The following FRYL variants were observed in gnomAD, a reference collection of about 807,000 sequenced individuals.
FRYL encodes the protein protein furry homolog-like.
Under a neutral mutation model 351.2 loss-of-function variants are expected in FRYL, and 150 were observed. The observed-to-expected ratio is 0.43, with a 90% CI of 0.37 to 0.49. The LOEUF is 0.49. Among genes scored for constraint, FRYL ranks in the 20% least tolerant of loss-of-function variants. FRYL has a pLI of 0.00. For missense variants in FRYL, 3,036 were observed against 3,619.3 expected, an observed-to-expected ratio of 0.84 and a Z score of 4.13; for synonymous variants, 1,153 against 1,257.1, an observed-to-expected ratio of 0.92 and a Z score of 1.75.
chr4:48,591,047 G>A (rs996965015), intron 16 of FRYL, among the ~76,000 whole-genome samples: 1 of 152,032 alleles, frequency 6.6e-6, no homozygotes, highest in Non-Finnish European at 1.5e-5. Flanking sequence ...TTCTGAGGTC[G>A]ACCAGCTTCC....
At chr4:48,545,955 TATTTCAC>T in intron 42 of FRYL, 105 bp downstream of exon 42, 1 of 942,612 alleles carries the variant, frequency 1.1e-6, no homozygotes, top group East Asian at 2.6e-5. Context: ...CAAACCTGTG[TATTTCAC>T]ATCAATGGTA....
intron 2 of FRYL, among the ~76,000 whole-genome samples, chr4:48,705,469 T>C (rs1161572234): frequency 8.6e-6 from 1 of 116,520 alleles, no homozygotes; most frequent in African/African-American, 3.2e-5. Context: ...ATATAACAAG[T>C]AAAAAAAAAA....
chr4:48,710,544 A>T lies in FRYL; in HGVS notation c.-229T>A, dbSNP rs2149589827. On this transcript the variant is annotated 5_prime_UTR_variant, in exon 2 of 64. Coordinates refer to ENST00000358350, the MANE Select transcript of FRYL (RefSeq NM_015030.2). ...CACTTAGAAATGGTTGTTGAGGCAC[A>T]GAGTTTGTAGAAAAGACACCAAGTT... The T allele has an allele frequency of 2.5e-6, 1 of 398,642 alleles. No homozygotes were observed. The highest frequency in any genetic ancestry group is 4.4e-6 in the Non-Finnish European group (1 of 226,068). 24.7% of individuals were successfully genotyped at this position (398,642 alleles called of 1,614,324 possible).
chr4:48,556,918 T>C (rs1734242240), intron 35 of FRYL, 60 bp downstream of exon 35: 2 of 1,403,284 alleles, frequency 1.4e-6, no homozygotes, highest in Non-Finnish European at 1.9e-6. Flanking sequence ...TACTCTGACA[T>C]CACAAGATAC....
chr4:48,581,006 C>T, intron 21 of FRYL, 55 bp from the exon 22 acceptor site: 9 of 1,166,016 alleles, frequency 7.7e-6, no homozygotes, highest in Non-Finnish European at 1.1e-5. Flanking sequence ...AGCAAAGTAG[C>T]CAAACCCAAG....
At chr4:48,776,170 T>A (rs1384186289) in intron 1 of FRYL, among the ~76,000 whole-genome samples, 1 of 150,808 alleles carries the variant, frequency 6.6e-6, no homozygotes, top group Non-Finnish European at 1.5e-5. Context: ...TTTTTTTAAA[T>A]AGAGTCAGAG....
intron 7 of FRYL, among the ~76,000 whole-genome samples, chr4:48,610,134 A>G (rs1197259292): frequency 2.6e-5 from 4 of 152,162 alleles, no homozygotes; most frequent in South Asian, 4.1e-4. Context: ...AAAGACATGT[A>G]CACCTCCCTG....
intron 1 of FRYL, among the ~76,000 whole-genome samples, chr4:48,718,231 A>G (rs1320515869): frequency 6.6e-6 from 1 of 151,664 alleles, no homozygotes; most frequent in African/African-American, 2.4e-5. Context: ...ATTACATCAA[A>G]AATGAGTGCA....
At chr4:48,734,405 G>A (rs1182217599) in intron 1 of FRYL, among the ~76,000 whole-genome samples, 3 of 152,214 alleles carry the variant, frequency 2.0e-5, no homozygotes, top group African/African-American at 4.8e-5. Flanking sequence ...ATCAAAATGT[G>A]TGAGTGAAAA....
chr4:48,757,221 C>T (rs1367835410), intron 1 of FRYL, among the ~76,000 whole-genome samples: 1 of 152,168 alleles, frequency 6.6e-6, no homozygotes, highest in East Asian at 1.9e-4. Context: ...CACTCATATT[C>T]AACATAGTGT....
At chr4:48,766,035 T>C (rs1311753199) in intron 1 of FRYL, among the ~76,000 whole-genome samples, 2 of 152,184 alleles carry the variant, frequency 1.3e-5, no homozygotes, top group African/African-American at 4.8e-5. Flanking sequence ...CTGGTGGGAA[T>C]GTAAATTGGT....
At chr4:48,610,389 C>T (rs1747804844) in intron 7 of FRYL, among the ~76,000 whole-genome samples, 1 of 151,814 alleles carries the variant, frequency 6.6e-6, no homozygotes, top group Non-Finnish European at 1.5e-5. Flanking sequence ...AGCCCTACTC[C>T]TCCACCACAT....
intron 49 of FRYL, among the ~76,000 whole-genome samples, chr4:48,533,228 G>A (rs1728085122): frequency 6.6e-6 from 1 of 151,748 alleles, no homozygotes; most frequent in African/African-American, 2.4e-5. Context: ...ATTCAATGTG[G>A]TATATGTTTC....
Position 48,528,221 on chromosome 4 carries a change from G to A in FRYL, c.7019C>T (p.Ser2340Phe), listed in dbSNP as rs201653865. 12 of 1,613,178 alleles carry A rather than the reference G, an allele frequency of 7.4e-6. No homozygotes were observed. Among genetic ancestry groups the A allele is most frequent in the Non-Finnish European group, 1.0e-5 (12 of 1,179,468 alleles). The change falls in exon 51 of 64, where the codon TCT (serine) becomes TTT (phenylalanine). Residue 2340 changes from serine to phenylalanine, a missense_variant. This residue lies in a region of FRYL where 1,987 missense variants were observed against 2,311.7 expected (regional missense o/e 0.86). Transcript: ENST00000358350. ...CCAACTAACAGGAACCAAGGCATTAGAATTAGAACCAGAAGAAGTTGAGGA... is the reference window on the plus strand; with the variant it reads ...CCAACTAACAGGAACCAAGGCATTAAAATTAGAACCAGAAGAAGTTGAGGA... ...STSSTSSGSN[S>F]NALVPVSWKR... is the part of the protein sequence containing the mutation.
chr4:48,725,160 T>C (rs540738808), intron 1 of FRYL, among the ~76,000 whole-genome samples: 22 of 152,228 alleles, frequency 1.4e-4, no homozygotes, highest in Non-Finnish European at 2.9e-4. Flanking sequence ...TATTTTGACA[T>C]GAGACAAAAG....
At chr4:48,745,613 G>A (rs1772585868) in intron 1 of FRYL, among the ~76,000 whole-genome samples, 1 of 152,136 alleles carries the variant, frequency 6.6e-6, no homozygotes, top group African/African-American at 2.4e-5. Flanking sequence ...TGGGGTGGGG[G>A]GAGTGGGGAA....
intron 1 of FRYL, among the ~76,000 whole-genome samples, chr4:48,714,138 T>C (rs1163912672): frequency 1.3e-5 from 2 of 152,238 alleles, no homozygotes; most frequent in Non-Finnish European, 2.9e-5. Context: ...AGAGGGAAAT[T>C]TACAGCACTA....
chr4:48,615,857 A>G (rs1749319795), intron 7 of FRYL, among the ~76,000 whole-genome samples: 1 of 152,236 alleles, frequency 6.6e-6, no homozygotes, highest in South Asian at 2.1e-4. Context: ...AATGTGGCAC[A>G]TATACACCAT....
chr4:48,587,619 C>A (rs563852531), intron 18 of FRYL, among the ~76,000 whole-genome samples: 1 of 152,144 alleles, frequency 6.6e-6, no homozygotes, highest in Non-Finnish European at 1.5e-5. Flanking sequence ...TCTCAGCTCA[C>A]TGTAACCTCC....
Sources: gnomAD v4.1 joint callset for allele counts (sites outside exome capture counted in the v4.1 genomes callset) on GRCh38, gnomAD v4.1.1 for gene constraint, gnomAD v4.1.1 regional missense constraint, MANE v1.5 for transcripts, NCBI Gene and HGNC (gene_info 2026-07-23, HGNC 2026-07-21) for gene names.